ZXDC: variants seen among roughly 807,000 people sequenced by gnomAD.
ZXDC encodes ZXD family zinc finger C.
ZXDC carries 58 observed loss-of-function variants against 63.6 expected under a neutral mutation model. The ratio of observed to expected loss-of-function variants is 0.91; its 90% CI spans 0.74 to 1.13. ZXDC has a LOEUF of 1.13. ZXDC is among the 50% of genes most tolerant of loss of function. The pLI is 0.00. For synonymous variants in ZXDC, 561 were observed against 496.1 expected, an observed-to-expected ratio of 1.13 and a Z score of -1.74; for missense variants, 1,133 against 1,148.9, an observed-to-expected ratio of 0.99 and a Z score of 0.20.
chr3:126,444,737 TAA>T (rs1933818359), intron 7 of ZXDC, among the ~76,000 whole-genome samples: 1 of 152,242 alleles, frequency 6.6e-6, no homozygotes, highest in African/African-American at 2.4e-5. Flanking sequence ...CGCCACGCTC[TAA>T]GTTACCTACA....
chr3:126,463,185 C>A (rs2107649971), intron 5 of ZXDC, among the ~76,000 whole-genome samples: 1 of 152,202 alleles, frequency 6.6e-6, no homozygotes, highest in South Asian at 2.1e-4. Flanking sequence ...TCTCTTGCCT[C>A]AGCTCCCCGA....
rs1446948551 is a variant in ZXDC, at chr3:126,462,147, C to G, written c.1515G>C (p.Glu505Asp). Residue 505 changes from glutamate to aspartate, a missense_variant, in exon 6 of 10, where the codon GAG becomes GAC. By Grantham distance (45) the Glu-to-Asp change is conservative. Transcript: ENST00000389709. The part of the protein sequence containing the change: ...SSELSSPGQS[E>D]LTNMDLAALF... Reference sequence around the variant, plus strand: ...GTGCAGCAAGATCCATGTTAGTGAGCTCACTTTGGCCTGGGCTGCTGAGTT... The same window carrying G: ...GTGCAGCAAGATCCATGTTAGTGAGGTCACTTTGGCCTGGGCTGCTGAGTT... 6.2e-7 allele frequency: 1 copy of G among 1,612,800 alleles called. No individual in the cohort carries two copies. The highest frequency in any genetic ancestry group is 1.3e-5 in the African/African-American group (1 of 74,912).
chr3:126,475,775 G>C lies in ZXDC; in HGVS notation c.91C>G (p.Leu31Val). The change falls in exon 1 of 10, where the codon CTC (leucine) becomes GTC (valine). Residue 31 changes from leucine to valine, a missense_variant. Coordinates refer to ENST00000389709, the MANE Select transcript of ZXDC (RefSeq NM_025112.5). ...CGGCGGCGCGCGGGGCTCGCGCCGAGCGGCGCTGGGGCTCGGCGGAGCGGG... is the reference window on the plus strand; with the variant it reads ...CGGCGGCGCGCGGGGCTCGCGCCGACCGGCGCTGGGGCTCGGCGGAGCGGG... ...PGPLRRAPAP[L>V]GASPARRRLL... The C allele has an allele frequency of 8.8e-7, 1 of 1,135,070 alleles. No homozygotes were observed. The highest frequency in any genetic ancestry group is 1.1e-6 in the Non-Finnish European group (1 of 928,102). The allele number at this position is 1,135,070 out of a possible 1,614,324, so 70.3% of individuals were successfully genotyped here.
At chr3:126,470,294 C>G (rs973628872) in intron 4 of ZXDC, among the ~76,000 whole-genome samples, 3 of 152,264 alleles carry the variant, frequency 2.0e-5, no homozygotes, top group African/African-American at 7.2e-5. Flanking sequence ...TGGTGAAACC[C>G]TGTCTCTACT....
In ZXDC at chr3:126,472,052, C is replaced by G; in HGVS notation, c.1061-1G>C. 1 of 1,611,222 alleles carries G rather than the reference C, an allele frequency of 6.2e-7. No individual in the cohort carries two copies. Among genetic ancestry groups the G allele is most frequent in the Non-Finnish European group, 8.5e-7 (1 of 1,179,248 alleles). ...GAGTCACAAATAAATGGTCTTTCAC[C>G]TTATAAAAGAAAAAATTATACAGCA... On this transcript the variant is annotated splice_acceptor_variant, in intron 2 of 9. Coordinates refer to ENST00000389709, the MANE Select transcript of ZXDC (RefSeq NM_025112.5). LOFTEE classifies it high-confidence loss of function.
At position 126,457,200 on chromosome 3, in the gene ZXDC, C is replaced by T. The variant is rs893746382; in HGVS notation, c.2212+2453G>A. 10 of 936,610 alleles carry T rather than the reference C, an allele frequency of 1.1e-5. 1 individual carries two copies. The highest frequency in any genetic ancestry group is 3.5e-5 in the African/African-American group (2 of 56,466). The allele number at this position is 936,610 out of a possible 1,614,324, so 58.0% of individuals were successfully genotyped here. ...GTCTGCCATTCAGCTGCCAGGACTG[C>T]GGCCACAGGGGACTCTCAGCTGTGA... On this transcript the variant is annotated intron_variant, in intron 7 of 9. Transcript: ENST00000389709.
At chr3:126,453,168 T>C (rs975061693) in intron 7 of ZXDC, 5 of 985,452 alleles carry the variant, frequency 5.1e-6, no homozygotes, top group Non-Finnish European at 4.8e-6. Flanking sequence ...CTTGTTTTCC[T>C]AGAAAACTCT....
At chr3:126,454,489 T>G in intron 7 of ZXDC, 1 of 985,426 alleles carries the variant, frequency 1.0e-6, no homozygotes, top group Non-Finnish European at 1.2e-6. Flanking sequence ...TGCCTTTGCT[T>G]TATTTTACCC....
intron 5 of ZXDC, among the ~76,000 whole-genome samples, chr3:126,463,775 T>C (rs1371676458): frequency 6.6e-6 from 1 of 152,212 alleles, no homozygotes; most frequent in Non-Finnish European, 1.5e-5. Flanking sequence ...GTTCCCAAGC[T>C]CATACCTGCA....
At chr3:126,465,015 ACT>A (rs1934699854) in intron 5 of ZXDC, among the ~76,000 whole-genome samples, 1 of 152,032 alleles carries the variant, frequency 6.6e-6, no homozygotes, top group Non-Finnish European at 1.5e-5. Context: ...CCCTCACCAA[ACT>A]CTGTGCGAGG....
At chr3:126,456,460 C>G (rs1296588283) in intron 7 of ZXDC, among the ~76,000 whole-genome samples, 1 of 152,254 alleles carries the variant, frequency 6.6e-6, no homozygotes, top group Non-Finnish European at 1.5e-5. Flanking sequence ...GACAGTGAGT[C>G]TCAGGTGGGC....
intron 7 of ZXDC, chr3:126,458,739 G>T: frequency 2.0e-6 from 2 of 985,312 alleles, no homozygotes; most frequent in Non-Finnish European, 2.4e-6. Flanking sequence ...ACTTTCCTTG[G>T]TATATGGTCA....
intron 7 of ZXDC, chr3:126,454,879 A>T (rs1043761724): frequency 3.0e-6 from 3 of 985,458 alleles, no homozygotes; most frequent in Non-Finnish European, 2.4e-6. Flanking sequence ...TCAATACTCA[A>T]GATAAAGAAA....
At chr3:126,469,512 C>A (rs923568869) in intron 4 of ZXDC, among the ~76,000 whole-genome samples, 1 of 152,176 alleles carries the variant, frequency 6.6e-6, no homozygotes, top group African/African-American at 2.4e-5. Flanking sequence ...TTTCTCTTTT[C>A]CCACTGTTAA....
chr3:126,466,173 G>A lies in ZXDC; in HGVS notation c.1423C>T (p.Gln475Ter). 1 of 1,614,046 alleles carries A rather than the reference G, an allele frequency of 6.2e-7. No individual in the cohort carries two copies. Among genetic ancestry groups the A allele is most frequent in the Non-Finnish European group, 8.5e-7 (1 of 1,179,964 alleles). Residue 475 changes from glutamine (Q) to a stop codon, truncating the protein, a stop_gained, in exon 5 of 10, where the codon CAG (glutamine) becomes TAG (stop). Transcript: ENST00000389709. LOFTEE classifies it high-confidence loss of function. ...KHSMKAHMVR[Q>*]HSRRQDLLPQ... ...TGCAGACCTTGGCGCCGGCTGTGCT[G>A]TCTGACCATGTGCGCCTTCATGCTG...
At chr3:126,450,979 CACTT>C (rs1390304729) in intron 7 of ZXDC, 1 of 277,748 alleles carries the variant, frequency 3.6e-6, no homozygotes. Context: ...GGTAGGCACA[CACTT>C]AACCTGCCTC....
chr3:126,442,045 A>G (rs370744244), intron 7 of ZXDC, 99 bp from the exon 8 acceptor site: 1 of 362,534 alleles, frequency 2.8e-6, no homozygotes, highest in East Asian at 8.2e-5. Flanking sequence ...CCTTCCCATT[A>G]ATTGTCATTC....
Position 126,441,903 on chromosome 3 carries a change from C to T in ZXDC, c.2256G>A (p.Met752Ile), listed in dbSNP as rs373380989. 16 of 1,611,910 alleles carry T rather than the reference C, an allele frequency of 9.9e-6. No individual in the cohort carries two copies. The African/African-American group carries it at 2.1e-4, about 22-fold the overall frequency. The change falls in exon 8 of 10, where the codon ATG becomes ATA. Residue 752 changes from methionine to isoleucine, a missense_variant. Met to Ile is a conservative substitution (Grantham distance 10). Coordinates refer to ENST00000389709, the MANE Select transcript of ZXDC (RefSeq NM_025112.5). Reference sequence around the variant, plus strand: ...GGCTTGCATGGAAATGGGGAGGACTCATTTTGCCTTCTTTTATTTTTCTCT... The same window carrying T: ...GGCTTGCATGGAAATGGGGAGGACTTATTTTGCCTTCTTTTATTTTTCTCT... The part of the protein sequence containing the change: ...STQRKIKEGK[M>I]SPPHFHASQN...
chr3:126,441,832 C>CGAGG lies in ZXDC; in HGVS notation c.2326_2327insCCTC (p.Arg776ProfsTer26), dbSNP rs768769224. ...CCCAGCTGCTGGAGCTGGTCCTGGC[C>CGAGG]GTCCTCCGCTGGGCACCACGAGGCT... On this transcript the variant is annotated frameshift_variant, in exon 8 of 10. Coordinates refer to ENST00000389709, the MANE Select transcript of ZXDC (RefSeq NM_025112.5). LOFTEE classifies it high-confidence loss of function. 1 of 1,613,754 alleles carries CGAGG rather than the reference C, an allele frequency of 6.2e-7. No homozygotes were observed. Among genetic ancestry groups the CGAGG allele is most frequent in the Non-Finnish European group, 8.5e-7 (1 of 1,179,908 alleles).
Sources: gnomAD v4.1 joint callset for allele counts (sites outside exome capture counted in the v4.1 genomes callset) on GRCh38, gnomAD v4.1.1 for gene constraint, MANE v1.5 for transcripts, NCBI Gene and HGNC (gene_info 2026-07-23, HGNC 2026-07-21) for gene names.